Variants in APP observed in about 807,000 individuals in gnomAD.
The protein encoded by APP is amyloid-beta precursor protein.
Under a neutral mutation model 101.4 loss-of-function variants are expected in APP, and 31 were observed. The ratio of observed to expected loss-of-function variants is 0.31; its 90% confidence interval spans 0.23 to 0.41. The LOEUF is 0.41. APP is among the 10% of genes least tolerant of loss of function. The pLI, the probability that APP is intolerant of heterozygous loss-of-function variation, is 1.00. For missense variants in APP, 839 were observed against 1,003.7 expected, an observed-to-expected ratio of 0.84 and a Z score of 2.22; for synonymous variants, 366 against 364.4, an observed-to-expected ratio of 1.00 and a Z score of -0.05.
chr21:26,092,335 A>G (rs939986638), intron 2 of APP, among the ~76,000 whole-genome samples: 2 of 152,222 alleles, frequency 1.3e-5, no homozygotes, highest in African/African-American at 4.8e-5. Flanking sequence ...GTCATTCAAC[A>G]CTAAAAGGAA....
At chr21:26,146,477 T>C (rs943257359) in intron 1 of APP, among the ~76,000 whole-genome samples, 1 of 152,230 alleles carries the variant, frequency 6.6e-6, no homozygotes, top group Non-Finnish European at 1.5e-5. Context: ...ATTGGCTGTG[T>C]ATTTTTTCCT....
chr21:25,897,258 G>A (rs373110134), intron 16 of APP, among the ~76,000 whole-genome samples: 1 of 151,992 alleles, frequency 6.6e-6, no homozygotes, highest in Non-Finnish European at 1.5e-5. Flanking sequence ...GACTACAGGT[G>A]TTTGCCACCA....
chr21:26,170,742 T>G lies in APP; in HGVS notation c.-122A>C, dbSNP rs1255933575. 1 of 1,054,406 alleles carries G rather than the reference T, an allele frequency of 9.5e-7. No homozygotes were observed. Among genetic ancestry groups the G allele is most frequent in the Non-Finnish European group, 1.3e-6 (1 of 777,078 alleles). The allele number at this position is 1,054,406 out of a possible 1,614,324, so 65.3% of individuals were successfully genotyped here. On this transcript the variant is annotated 5_prime_UTR_variant, in exon 1 of 18. Transcript: ENST00000346798. Reference sequence around the variant, plus strand: ...CCCCCGCGCACGCTCCTCCGCGTGCTCTCGCCTACCGCTGCCGAGGAAACT... The same window carrying G: ...CCCCCGCGCACGCTCCTCCGCGTGCGCTCGCCTACCGCTGCCGAGGAAACT...
chr21:25,894,973 T>G (rs527938790), intron 16 of APP, among the ~76,000 whole-genome samples: 1 of 152,152 alleles, frequency 6.6e-6, no homozygotes, highest in Non-Finnish European at 1.5e-5. Context: ...AGCCACCACC[T>G]GGATTAGCCT....
chr21:26,047,071 T>C (rs2045641417), intron 5 of APP, among the ~76,000 whole-genome samples: 1 of 152,026 alleles, frequency 6.6e-6, no homozygotes. Flanking sequence ...TGGAGAAAAA[T>C]ATACTCGGTA....
chr21:25,896,532 TGTC>T (rs779025231), intron 16 of APP, among the ~76,000 whole-genome samples: 2 of 152,310 alleles, frequency 1.3e-5, no homozygotes, highest in Admixed American at 6.5e-5. Flanking sequence ...GTGATAAAAT[TGTC>T]GTCTTCATTA....
intron 5 of APP, among the ~76,000 whole-genome samples, chr21:26,032,377 C>G (rs2044868967): frequency 6.6e-6 from 1 of 152,120 alleles, no homozygotes; most frequent in Non-Finnish European, 1.5e-5. Context: ...ACATATACTC[C>G]AGTTAATTGT....
At chr21:25,883,835 C>A (rs1206855156) in intron 17 of APP, among the ~76,000 whole-genome samples, 1 of 152,214 alleles carries the variant, frequency 6.6e-6, no homozygotes, top group African/African-American at 2.4e-5. Flanking sequence ...AATCCCAAGG[C>A]AGCTGGAATA....
chr21:26,141,224 T>C (rs1488503003), intron 1 of APP, among the ~76,000 whole-genome samples: 1 of 152,214 alleles, frequency 6.6e-6, no homozygotes, highest in Admixed American at 6.5e-5. Flanking sequence ...TTATATGTCA[T>C]TGGTTCATTA....
intron 1 of APP, among the ~76,000 whole-genome samples, chr21:26,148,605 TG>T (rs2063201817): frequency 6.6e-6 from 1 of 152,194 alleles, no homozygotes. Flanking sequence ...AGCAGTGAAA[TG>T]TGAAACGAAG....
At chr21:26,115,676 A>G (rs1320916631) in intron 1 of APP, among the ~76,000 whole-genome samples, 1 of 152,178 alleles carries the variant, frequency 6.6e-6, no homozygotes, top group Non-Finnish European at 1.5e-5. Flanking sequence ...ACAGGGTCCT[A>G]TTCAGGATCT....
At chr21:25,957,425 T>C (rs1346954119) in intron 11 of APP, among the ~76,000 whole-genome samples, 1 of 152,224 alleles carries the variant, frequency 6.6e-6, no homozygotes, top group East Asian at 1.9e-4. Flanking sequence ...TGAAGGATAT[T>C]TGATATGCAG....
At chr21:26,088,987 A>G (rs1165690163) in intron 3 of APP, among the ~76,000 whole-genome samples, 1 of 152,244 alleles carries the variant, frequency 6.6e-6, no homozygotes, top group Non-Finnish European at 1.5e-5. Flanking sequence ...ACCATATATT[A>G]CATAGATCTC....
chr21:26,081,622 A>G (rs1052125229), intron 3 of APP, among the ~76,000 whole-genome samples: 2 of 152,216 alleles, frequency 1.3e-5, no homozygotes, highest in Admixed American at 1.3e-4. Flanking sequence ...TGCAGGTCAC[A>G]GGGGATGGTT....
At chr21:25,907,142 C>A (rs2038833956) in intron 14 of APP, among the ~76,000 whole-genome samples, 1 of 151,510 alleles carries the variant, frequency 6.6e-6, no homozygotes, top group African/African-American at 2.5e-5. Context: ...CCCCGCTCTT[C>A]TTCTTCTTCT....
At chr21:25,887,631 C>A (rs1481065617) in intron 17 of APP, among the ~76,000 whole-genome samples, 3 of 151,434 alleles carry the variant, frequency 2.0e-5, no homozygotes, top group Admixed American at 2.0e-4. Flanking sequence ...TAGTCCACGA[C>A]AGACCAAACA....
chr21:25,972,258 C>A (rs1297517603), intron 11 of APP, among the ~76,000 whole-genome samples: 2 of 151,676 alleles, frequency 1.3e-5, no homozygotes, highest in African/African-American at 4.9e-5. Context: ...GAATTAAGGG[C>A]AGACTGAATG....
At chr21:26,058,293 C>A (rs2046122301) in intron 3 of APP, among the ~76,000 whole-genome samples, 1 of 152,128 alleles carries the variant, frequency 6.6e-6, no homozygotes. Flanking sequence ...TACTCCTCAG[C>A]AAATTCCACT....
At chr21:26,135,195 T>A (rs1017376650) in intron 1 of APP, among the ~76,000 whole-genome samples, 2 of 152,216 alleles carry the variant, frequency 1.3e-5, no homozygotes, top group African/African-American at 4.8e-5. Flanking sequence ...GGATTAGAAG[T>A]ACTTTCTTAA....
Sources: allele counts gnomAD v4.1 joint callset (sites outside exome capture counted in the v4.1 genomes callset), GRCh38; gene constraint gnomAD v4.1.1; transcripts MANE v1.5; gene names NCBI Gene and HGNC (gene_info 2026-07-23, HGNC 2026-07-21).